The following RARB variants were observed in gnomAD, a reference collection of about 807,000 sequenced individuals.
RARB encodes the protein retinoic acid receptor beta.
Under a neutral mutation model 51.9 loss-of-function variants are expected in RARB, and 17 were observed. The observed-to-expected ratio is 0.33, with a 90% CI of 0.22 to 0.49. The LOEUF is 0.49. Ranked by LOEUF, RARB falls within the 20% of genes least tolerant of loss-of-function variation. RARB has a pLI of 0.99. For missense variants in RARB, 369 were observed against 550.8 expected, an observed-to-expected ratio of 0.67 and a Z score of 3.30; for synonymous variants, 215 against 195.4, an observed-to-expected ratio of 1.10 and a Z score of -0.84.
At position 25,292,047 on chromosome 3, in the gene RARB, C is replaced by CTTT. The variant is rs35112634; in HGVS notation, c.178+117481_178+117483dup. 2.5e-3 allele frequency among the ~76,000 whole-genome samples: 369 copies of CTTT among 147,534 alleles called. 1 individual carries two copies. The highest frequency in any genetic ancestry group is 7.0e-3 in the African/African-American group (283 of 40,298). The stretch of plus-strand genomic sequence containing the variant: ...AAGGGGGTAGTGAGTCTTCCTCCCA[C>CTTT]TTTTTTTTTTTGCCAAACCTTGATA... On this transcript the variant is annotated intron_variant, in intron 5 of 11. Transcript: ENST00000383772.
intron 3 of RARB, among the ~76,000 whole-genome samples, chr3:25,125,079 T>C (rs1019935475): frequency 6.6e-6 from 1 of 152,196 alleles, no homozygotes; most frequent in Non-Finnish European, 1.5e-5. Flanking sequence ...AGTTAGAAAC[T>C]ATTAGACCAG....
At chr3:25,341,635 G>A (rs1705230555) in intron 5 of RARB, among the ~76,000 whole-genome samples, 8 of 152,028 alleles carry the variant, frequency 5.3e-5, no homozygotes, top group Admixed American at 6.6e-5. Context: ...TCTCAACTGG[G>A]GATAATTTTG....
intron 2 of RARB, among the ~76,000 whole-genome samples, chr3:24,874,749 A>T (rs560945940): frequency 6.6e-6 from 1 of 151,760 alleles, no homozygotes; most frequent in African/African-American, 2.4e-5. Context: ...AGTTTTACTT[A>T]ATGTAGTTCA....
intron 2 of RARB, among the ~76,000 whole-genome samples, chr3:24,971,320 A>G (rs1216336414): frequency 1.3e-5 from 2 of 151,974 alleles, no homozygotes; most frequent in Non-Finnish European, 2.9e-5. Context: ...TTTTTCCTTG[A>G]TGTTTGGACT....
intron 1 of RARB, among the ~76,000 whole-genome samples, chr3:25,449,383 CAG>C (rs1031017973): frequency 5.3e-5 from 7 of 131,836 alleles, no homozygotes; most frequent in Admixed American, 5.3e-4. Context: ...GGAAAGAAAA[CAG>C]GGCATTATTT....
intron 3 of RARB, among the ~76,000 whole-genome samples, chr3:25,116,916 G>C (rs1417352857): frequency 1.3e-5 from 2 of 152,082 alleles, no homozygotes; most frequent in East Asian, 1.9e-4. Context: ...ATTTTAAATT[G>C]AAATTATTGC....
rs996703966 is a variant in RARB at position 24,969,050 on chromosome 3, T to C, written c.-379-91075T>C. Among the ~76,000 whole-genome samples, 12 of 152,116 alleles carry C rather than the reference T, an allele frequency of 7.9e-5. No individual in the cohort carries two copies. In the South Asian group the frequency reaches 2.5e-3, roughly 32 times the overall value. ...ACCTGCTAGGCACAGGATAGAAAAA[T>C]TGTGATTTGTAATTCTGATACAATA... On this transcript the variant is annotated intron_variant, in intron 2 of 11. Transcript: ENST00000383772.
intron 5 of RARB, among the ~76,000 whole-genome samples, chr3:25,349,047 T>C (rs1051845654): frequency 1.3e-5 from 2 of 152,152 alleles, no homozygotes; most frequent in African/African-American, 4.8e-5. Context: ...AATGTTCCCT[T>C]TACATTCCAG....
chr3:24,959,498 C>G (rs377703809), intron 2 of RARB, among the ~76,000 whole-genome samples: 2 of 152,086 alleles, frequency 1.3e-5, no homozygotes, highest in Admixed American at 1.3e-4. Flanking sequence ...GGTTTTTTAT[C>G]GATATAGCAT....
chr3:25,192,081 T>G (rs1701117931), intron 5 of RARB, among the ~76,000 whole-genome samples: 2 of 152,272 alleles, frequency 1.3e-5, no homozygotes, highest in South Asian at 2.1e-4. Context: ...ATCTAATATT[T>G]ACATGATTCT....
intron 3 of RARB, among the ~76,000 whole-genome samples, chr3:25,525,884 G>T (rs1369883810): frequency 6.6e-6 from 1 of 152,170 alleles, no homozygotes; most frequent in African/African-American, 2.4e-5. Flanking sequence ...GATATCAAAG[G>T]AAAAGTGTTC....
chr3:24,989,960 C>T lies in RARB; in HGVS notation c.-379-70165C>T, dbSNP rs1347148594. On this transcript the variant is annotated intron_variant, in intron 2 of 11. Coordinates refer to the RARB transcript ENST00000383772. ...GACTACAGGCGCCCGCCACCGCGCCCGGCTAATTTTTTGTATTTTTAGTAG... is the reference window on the plus strand; with the variant it reads ...GACTACAGGCGCCCGCCACCGCGCCTGGCTAATTTTTTGTATTTTTAGTAG... 6.3e-5 allele frequency among the ~76,000 whole-genome samples: 6 copies of T among 94,786 alleles called. 3 individuals are homozygous for T. The highest frequency in any genetic ancestry group is 2.5e-4 in the African/African-American group (6 of 23,784). 62.2% of individuals were successfully genotyped at this position (94,786 alleles called of 152,430 possible).
intron 4 of RARB, among the ~76,000 whole-genome samples, chr3:25,137,900 A>G (rs1036383574): frequency 1.3e-5 from 2 of 152,130 alleles, no homozygotes; most frequent in Non-Finnish European, 2.9e-5. Context: ...TGAGTTTAAA[A>G]GAAGATTCTG....
rs547290805 is a variant in RARB, at chr3:25,465,442, A to C, written c.306+4101A>C. 3.3e-5 allele frequency among the ~76,000 whole-genome samples: 5 copies of C among 152,316 alleles called. No homozygotes were observed. The South Asian group carries it at 1.0e-3, about 32-fold the overall frequency. The stretch of plus-strand genomic sequence containing the variant: ...GCTCTAAAGTAGGACTCCCAAACAG[A>C]GCCTGGTATATCTTCAAGAAGTAAT... On this transcript the variant is annotated intron_variant, in intron 2 of 7. Transcript: ENST00000330688.
chr3:25,109,879 C>T (rs923297118), intron 3 of RARB, among the ~76,000 whole-genome samples: 3 of 152,204 alleles, frequency 2.0e-5, no homozygotes, highest in African/African-American at 4.8e-5. Context: ...CTTCAGAGGC[C>T]TGGATCCCAG....
chr3:24,846,418 A>C (rs1225718576), intron 1 of RARB, among the ~76,000 whole-genome samples: 1 of 152,232 alleles, frequency 6.6e-6, no homozygotes, highest in Non-Finnish European at 1.5e-5. Flanking sequence ...AAGGACTTCA[A>C]AGAAGAAAAT....
At chr3:25,140,607 C>T (rs557822039) in intron 4 of RARB, among the ~76,000 whole-genome samples, 8 of 152,126 alleles carry the variant, frequency 5.3e-5, no homozygotes, top group East Asian at 1.9e-4. Context: ...GAAATGACAA[C>T]GAAACATTTA....
chr3:25,039,567 C>T lies in RARB; in HGVS notation c.-379-20558C>T, dbSNP rs542642811. Among the ~76,000 whole-genome samples the T allele has an allele frequency of 4.9e-4, 74 of 152,178 alleles. 1 individual carries two copies. The South Asian group carries it at 0.012, about 25-fold the overall frequency. Reference sequence around the variant, plus strand: ...CATTCGAGTGGGGCATGGGCATAACCGATCACACTGTGGATTATGTTGTTA... The same window carrying T: ...CATTCGAGTGGGGCATGGGCATAACTGATCACACTGTGGATTATGTTGTTA... On this transcript the variant is annotated intron_variant, in intron 2 of 11. Coordinates refer to the RARB transcript ENST00000383772.
intron 5 of RARB, among the ~76,000 whole-genome samples, chr3:25,310,004 G>C (rs951952660): frequency 6.6e-6 from 1 of 152,224 alleles, no homozygotes; most frequent in Non-Finnish European, 1.5e-5. Context: ...CCCTTCCCCT[G>C]TTAGCAGCAT....
Sources: allele counts gnomAD v4.1 joint callset (sites outside exome capture counted in the v4.1 genomes callset), GRCh38; gene constraint gnomAD v4.1.1; transcripts MANE v1.5; gene names NCBI Gene and HGNC (gene_info 2026-07-23, HGNC 2026-07-21).